Variants in ZNF180 observed in about 807,000 individuals in gnomAD.
ZNF180 encodes the protein zinc finger protein 180.
In ZNF180, 11 loss-of-function variants were observed where a neutral mutation model predicts 11.8. The observed-to-expected ratio is 0.93, with a 90% CI of 0.59 to 1.55. The LOEUF (loss-of-function observed/expected upper bound fraction) is 1.55. Ranked by LOEUF, ZNF180 falls within the 40% of genes most tolerant of loss-of-function variation. The pLI, the probability that ZNF180 is intolerant of heterozygous loss-of-function variation, is 0.00. For missense variants in ZNF180, 773 were observed against 781.7 expected, an observed-to-expected ratio of 0.99 and a Z score of 0.13; for synonymous variants, 287 against 257.7, an observed-to-expected ratio of 1.11 and a Z score of -1.09.
chr19:44,494,704 C>T (rs1321808004), intron 2 of ZNF180, among the ~76,000 whole-genome samples: 2 of 152,048 alleles, frequency 1.3e-5, no homozygotes, highest in Non-Finnish European at 2.9e-5. Context: ...AAACCCCACA[C>T]ATTTTACCTG....
At position 44,479,412 on chromosome 19, in the gene ZNF180, A is replaced by G; in HGVS notation, c.127-3T>C. 1 of 1,613,194 alleles carries G rather than the reference A, an allele frequency of 6.2e-7. No individual in the cohort carries two copies. Among genetic ancestry groups the G allele is most frequent in the Non-Finnish European group, 8.5e-7 (1 of 1,179,544 alleles). ...ACAATTTTGAAGTTCACTCCTTCCT[A>G]AAAAAGGACACACATTCCTGCTCAG... is the stretch of plus-strand genomic sequence containing the variant. On this transcript the variant is annotated splice_region_variant and splice_polypyrimidine_tract_variant and intron_variant, in intron 3 of 4. Transcript: ENST00000592529.
chr19:44,484,144 G>A (rs1302503365), intron 3 of ZNF180, among the ~76,000 whole-genome samples: 4 of 151,988 alleles, frequency 2.6e-5, no homozygotes, highest in South Asian at 4.2e-4. Flanking sequence ...ACAGGCACCC[G>A]CCACCACACC....
chr19:44,480,951 C>T (rs1190763297), intron 3 of ZNF180, among the ~76,000 whole-genome samples: 2 of 152,152 alleles, frequency 1.3e-5, no homozygotes, highest in Admixed American at 1.3e-4. Context: ...GACCTTTATT[C>T]TGAACTCTCA....
chr19:44,487,283 A>G (rs1232672542), intron 2 of ZNF180, among the ~76,000 whole-genome samples: 1 of 152,230 alleles, frequency 6.6e-6, no homozygotes, highest in Non-Finnish European at 1.5e-5. Flanking sequence ...CAAACCTAAA[A>G]ACACCACTGT....
At position 44,477,947 on chromosome 19, in the gene ZNF180, G is replaced by A. The variant is rs1022042996; in HGVS notation, c.453C>T (p.Phe151=). 1.2e-6 allele frequency: 2 copies of A among 1,613,866 alleles called. No individual in the cohort carries two copies. Among genetic ancestry groups the A allele is most frequent in the African/African-American group, 1.3e-5 (1 of 74,936 alleles). ...CATGAATAACTGCTTTCCTTTGAGT[G>A]AATGCCACTTCCTGCAAAAGTATCT... ...KQEILLQEVA[F]TQRKAVIHER... Residue 151 remains phenylalanine, a synonymous_variant, in exon 5 of 5, where the codon TTC becomes TTT. Transcript: ENST00000592529.
intron 2 of ZNF180, chr19:44,496,701 GAAAGA>G (rs1021294859): frequency 2.2e-5 from 3 of 134,386 alleles, no homozygotes; most frequent in Non-Finnish European, 3.2e-5. Context: ...AAAAAAAGAA[GAAAGA>G]AAAGAAAAAG....
chr19:44,489,168 C>T (rs1235213028), intron 2 of ZNF180, among the ~76,000 whole-genome samples: 6 of 135,848 alleles, frequency 4.4e-5, no homozygotes, highest in Admixed American at 3.0e-4. Context: ...GCCAGCCCCC[C>T]GCCGGGCCAG....
chr19:44,500,006 T>C (rs191250052), intron 1 of ZNF180, among the ~76,000 whole-genome samples: 2 of 152,264 alleles, frequency 1.3e-5, no homozygotes, highest in African/African-American at 4.8e-5. Context: ...CTTACATCAA[T>C]GCATGTGCCC....
Position 44,476,794 on chromosome 19 carries a change from G to A in ZNF180, c.1606C>T (p.His536Tyr), listed in dbSNP as rs753445142. Residue 536 changes from histidine (H) to tyrosine (Y), a missense_variant, in exon 5 of 5, where the codon CAC becomes TAC. Transcript: ENST00000592529. The part of the protein sequence containing the change: ...ECGKSFNRSS[H>Y]LVMHQRIHTG... ...TGAATTCTCTGATGCATAACAAGGT[G>A]AGAACTGCGGTTAAAAGATTTTCCA... 3 of 1,613,012 alleles carry A rather than the reference G, an allele frequency of 1.9e-6. No individual in the cohort carries two copies. Among genetic ancestry groups the A allele is most frequent in the South Asian group, 1.1e-5 (1 of 90,978 alleles).
chr19:44,477,120 G>A lies in ZNF180; in HGVS notation c.1280C>T (p.Ala427Val), dbSNP rs759255578. The change falls in exon 5 of 5, where the codon GCA becomes GTA. Residue 427 changes from alanine (A) to valine (V), a missense_variant. By Grantham distance (64) the Ala-to-Val change is moderately conservative (BLOSUM62 0). Coordinates refer to ENST00000592529, the MANE Select transcript of ZNF180 (RefSeq NM_001278509.3). ...CTCTCCGGTATGTGTTCTTTGATGT[G>A]CAATAAGTTTATAGCTCTGCCTGAA... ...KSFRQSYKLI[A>V]HQRTHTGEKP... The A allele has an allele frequency of 2.5e-6, 4 of 1,613,800 alleles. No individual in the cohort carries two copies. In the South Asian group the frequency reaches 4.4e-5, roughly 18 times the overall value.
In ZNF180 at chr19:44,475,564, T is replaced by C. The variant is rs1318327848; in HGVS notation, c.*838A>G. ...CATGCTATTCCAAACATAAACCTCA[T>C]TATCCTGAGGGATCTTTGCTATTTG... On this transcript the variant is annotated 3_prime_UTR_variant, in exon 5 of 5. Transcript: ENST00000592529. 1 of 152,216 alleles carries C rather than the reference T, an allele frequency of 6.6e-6. No homozygotes were observed. Among genetic ancestry groups the C allele is most frequent in the Non-Finnish European group, 1.5e-5 (1 of 68,034 alleles). 9.4% of individuals were successfully genotyped at this position (152,216 alleles called of 1,614,324 possible). A position where few individuals can be genotyped will look rare whatever the true frequency, so the allele number is the denominator to read the frequency against.
chr19:44,492,948 G>A (rs754132519), intron 2 of ZNF180, among the ~76,000 whole-genome samples: 3 of 152,162 alleles, frequency 2.0e-5, no homozygotes, highest in Non-Finnish European at 2.9e-5. Flanking sequence ...CCATGTGGGA[G>A]GCCCTGAGGT....
chr19:44,494,567 G>A (rs961707227), intron 2 of ZNF180, among the ~76,000 whole-genome samples: 6 of 152,132 alleles, frequency 3.9e-5, no homozygotes, highest in Non-Finnish European at 8.8e-5. Context: ...AAATACTCAG[G>A]AGGTTGAGGT....
chr19:44,484,313 A>G (rs1230932918), intron 3 of ZNF180, 48 bp downstream of exon 3: 5 of 1,473,268 alleles, frequency 3.4e-6, no homozygotes, highest in Non-Finnish European at 4.8e-6. Flanking sequence ...CTCACTTCCC[A>G]GCCATGCACA....
At chr19:44,490,346 T>C (rs1970420636) in intron 2 of ZNF180, among the ~76,000 whole-genome samples, 1 of 152,100 alleles carries the variant, frequency 6.6e-6, no homozygotes. Context: ...TGCATGAACA[T>C]TACAAAATAG....
intron 2 of ZNF180, among the ~76,000 whole-genome samples, chr19:44,487,131 G>A (rs1970250304): frequency 6.6e-6 from 1 of 152,182 alleles, no homozygotes; most frequent in South Asian, 2.1e-4. Context: ...AAAGATGGGA[G>A]GATCACTTGA....
chr19:44,481,591 A>T (rs1970081625), intron 3 of ZNF180, among the ~76,000 whole-genome samples: 2 of 152,100 alleles, frequency 1.3e-5, no homozygotes, highest in Non-Finnish European at 2.9e-5. Flanking sequence ...AGTTCCATGG[A>T]CTTCTATAAT....
In ZNF180 at chr19:44,477,625, T is replaced by A; in HGVS notation, c.775A>T (p.Thr259Ser). 6.2e-7 allele frequency: 1 copy of A among 1,614,086 alleles called. No homozygotes were observed. The highest frequency in any genetic ancestry group is 8.5e-7 in the Non-Finnish European group (1 of 1,179,986). Residue 259 changes from threonine (T) to serine (S), a missense_variant, in exon 5 of 5, where the codon ACA (threonine) becomes TCA (serine). By Grantham distance (58) the Thr-to-Ser change is moderately conservative. Transcript: ENST00000592529. ...ATTTTTTCATGTATATGTAGGGGTG[T>A]ACCATGGCAAAAAGATTGAATACGG... Reference protein sequence around the residue: ...SDRIQSFCHGTPLHIHEKIHG... With the variant: ...SDRIQSFCHGSPLHIHEKIHG...
chr19:44,486,663 G>A (rs1380443804), intron 2 of ZNF180, among the ~76,000 whole-genome samples: 1 of 152,136 alleles, frequency 6.6e-6, no homozygotes, highest in African/African-American at 2.4e-5. Flanking sequence ...CAGTGCTTTG[G>A]GAGGCTGAGG....
Sources: gnomAD v4.1 joint callset for allele counts (sites outside exome capture counted in the v4.1 genomes callset) on GRCh38, gnomAD v4.1.1 for gene constraint, MANE v1.5 for transcripts, NCBI Gene and HGNC (gene_info 2026-07-23, HGNC 2026-07-21) for gene names.